The following DGKB variants were observed in gnomAD, a reference collection of about 807,000 sequenced individuals.
DGKB encodes the protein diacylglycerol kinase beta, also known as 90 kDa diacylglycerol kinase.
DGKB carries 67 observed loss-of-function variants against 114.3 expected under a neutral mutation model. That is an observed-to-expected ratio of 0.59 (90% CI 0.48 to 0.72). DGKB has a LOEUF of 0.72. DGKB is among the 30% of genes least tolerant of loss of function. DGKB has a pLI of 0.00. For synonymous variants in DGKB, 398 were observed against 323.1 expected (o/e 1.23, Z -2.49); for missense variants, 907 against 975.2 (o/e 0.93, Z 0.93).
intron 6 of DGKB, among the ~76,000 whole-genome samples, chr7:14,715,421 A>G (rs1563995060): frequency 6.6e-6 from 1 of 152,106 alleles, no homozygotes; most frequent in Non-Finnish European, 1.5e-5. Context: ...TGAAGTTAGA[A>G]GGGCAAATCA....
chr7:14,616,828 A>G (rs1280696066), intron 15 of DGKB, among the ~76,000 whole-genome samples: 5 of 151,768 alleles, frequency 3.3e-5, no homozygotes, highest in Non-Finnish European at 7.4e-5. Flanking sequence ...GGTTTCACAC[A>G]CACAAAAATA....
chr7:14,254,117 A>T (rs76185545), intron 23 of DGKB, among the ~76,000 whole-genome samples: 1 of 152,204 alleles, frequency 6.6e-6, no homozygotes, highest in Non-Finnish European at 1.5e-5. Context: ...TATATTCTAT[A>T]GATGAAAATT....
At chr7:14,314,360 AGG>A (rs1806058079) in intron 23 of DGKB, among the ~76,000 whole-genome samples, 1 of 151,440 alleles carries the variant, frequency 6.6e-6, no homozygotes, top group Non-Finnish European at 1.5e-5. Flanking sequence ...TTCAAACCAA[AGG>A]CAAAGAAGTT....
chr7:14,460,474 A>G (rs753590415), intron 21 of DGKB, among the ~76,000 whole-genome samples: 11 of 152,136 alleles, frequency 7.2e-5, no homozygotes, highest in Non-Finnish European at 1.6e-4. Flanking sequence ...GATAAAACAG[A>G]CTTTAAATCA....
At chr7:14,162,288 A>C (rs1055789380) in intron 25 of DGKB, among the ~76,000 whole-genome samples, 1 of 152,212 alleles carries the variant, frequency 6.6e-6, no homozygotes, top group African/African-American at 2.4e-5. Context: ...TATTATTCTG[A>C]TGATAACCAT....
At chr7:14,443,529 G>C (rs137904949) in intron 21 of DGKB, among the ~76,000 whole-genome samples, 1 of 151,922 alleles carries the variant, frequency 6.6e-6, no homozygotes. Flanking sequence ...TCAAATCATG[G>C]GTTGACAATT....
chr7:14,941,790 G>T (rs1587425077), intron 1 of DGKB, among the ~76,000 whole-genome samples: 1 of 152,150 alleles, frequency 6.6e-6, no homozygotes, highest in Admixed American at 6.6e-5. Context: ...GAGACTGAAA[G>T]ATTATGCTAA....
intron 2 of DGKB, among the ~76,000 whole-genome samples, chr7:14,759,805 CTA>C (rs1835424395): frequency 6.6e-6 from 1 of 152,084 alleles, no homozygotes; most frequent in African/African-American, 2.4e-5. Flanking sequence ...TACAGTAACT[CTA>C]TGTTTAGTGT....
chr7:14,772,881 C>T (rs1309761283), intron 2 of DGKB, among the ~76,000 whole-genome samples: 1 of 152,108 alleles, frequency 6.6e-6, no homozygotes, highest in Non-Finnish European at 1.5e-5. Flanking sequence ...CAGTTCCCTC[C>T]TGCTCATCCT....
intron 20 of DGKB, among the ~76,000 whole-genome samples, chr7:14,572,152 C>T (rs1563550189): frequency 6.6e-6 from 1 of 151,812 alleles, no homozygotes; most frequent in East Asian, 1.9e-4. Flanking sequence ...AAAGAAACAC[C>T]ATTTAAAGAA....
At chr7:14,964,463 G>A (rs1315123356) in intron 1 of DGKB, among the ~76,000 whole-genome samples, 1 of 152,166 alleles carries the variant, frequency 6.6e-6, no homozygotes, top group African/African-American at 2.4e-5. Context: ...TCGCACCATT[G>A]CACTCCAGCC....
At chr7:14,392,995 G>GTTTTGTTGTTTGTTTT (rs1554404749) in intron 21 of DGKB, among the ~76,000 whole-genome samples, 1 of 60,544 alleles carries the variant, frequency 1.7e-5, no homozygotes, top group African/African-American at 4.8e-5. Context: ...TTTTGTTTTT[G>GTTTTGTTGTTTGTTTT]TTTTTTTTTT....
chr7:14,707,302 A>C (rs1826459673), intron 6 of DGKB, among the ~76,000 whole-genome samples: 1 of 149,838 alleles, frequency 6.7e-6, no homozygotes. Flanking sequence ...CAATAACAGG[A>C]GCTGAAATTG....
intron 23 of DGKB, among the ~76,000 whole-genome samples, chr7:14,230,718 CTT>C (rs59634096): frequency 0.23 from 34,342 of 151,746 alleles, 3,941 homozygotes; most frequent in Middle Eastern, 0.32. Flanking sequence ...AGTCTTATCT[CTT>C]TTCATTCTCC....
At chr7:14,388,819 T>C (rs1212084229) in intron 21 of DGKB, among the ~76,000 whole-genome samples, 2 of 152,164 alleles carry the variant, frequency 1.3e-5, no homozygotes, top group African/African-American at 4.8e-5. Context: ...TGGTGACAAC[T>C]GAGGAAAGAG....
intron 2 of DGKB, among the ~76,000 whole-genome samples, chr7:14,830,918 CATGTGTGTGCATGTGTGCATGT>C (rs1846325690): frequency 6.6e-6 from 1 of 151,762 alleles, no homozygotes; most frequent in African/African-American, 2.4e-5. Flanking sequence ...CACACATGCA[CATGTGTGTGCATGTGTGCATGT>C]ATGTGTGTGA....
At chr7:14,250,401 C>T (rs902997406) in intron 23 of DGKB, among the ~76,000 whole-genome samples, 1 of 151,936 alleles carries the variant, frequency 6.6e-6, no homozygotes, top group African/African-American at 2.4e-5. Flanking sequence ...TTAATTTTGG[C>T]TTTTATCCAA....
chr7:14,927,953 T>A (rs1784827312), intron 1 of DGKB, among the ~76,000 whole-genome samples: 1 of 151,892 alleles, frequency 6.6e-6, no homozygotes, highest in African/African-American at 2.4e-5. Context: ...TTATAGTAAA[T>A]TCTGAGCAAG....
chr7:14,617,508 T>C lies in DGKB; in HGVS notation c.1284+3870A>G, dbSNP rs77289000. On this transcript the variant is annotated intron_variant, in intron 15 of 25. Coordinates refer to ENST00000402815, the MANE Select transcript of DGKB (RefSeq NM_001350709.2). ...TATAACCCCTGAATAACTTCAACAG[T>C]AATCTACTGGACTCTTGGCTCCCCA... Among the ~76,000 whole-genome samples, 151 of 151,784 alleles carry C rather than the reference T, an allele frequency of 9.9e-4. No homozygotes were observed. The East Asian group carries it at 0.01, about 10-fold the overall frequency.
Sources: allele counts gnomAD v4.1 joint callset (sites outside exome capture counted in the v4.1 genomes callset), GRCh38; gene constraint gnomAD v4.1.1; transcripts MANE v1.5; gene names NCBI Gene and HGNC (gene_info 2026-07-23, HGNC 2026-07-21).